The following MLLT10 variants were observed in gnomAD, a reference collection of about 807,000 sequenced individuals.
MLLT10 encodes the protein MLLT10 histone lysine methyltransferase DOT1L cofactor.
MLLT10 carries 30 observed loss-of-function variants against 129.1 expected under a neutral mutation model. The observed-to-expected ratio is 0.23, with a 90% CI of 0.17 to 0.32. The LOEUF (loss-of-function observed/expected upper bound fraction) is 0.32. Among genes scored for constraint, MLLT10 ranks in the 10% least tolerant of loss-of-function variants. The probability of loss-of-function intolerance (pLI) is 1.00; values close to 1 mark genes in which losing one functional copy is unlikely to be tolerated. For missense variants in MLLT10, 1,119 were observed against 1,268.3 expected, an observed-to-expected ratio of 0.88 and a Z score of 1.79; for synonymous variants, 490 against 446.4, an observed-to-expected ratio of 1.10 and a Z score of -1.23.
intron 13 of MLLT10, among the ~76,000 whole-genome samples, chr10:21,695,065 T>C (rs1021984763): frequency 6.1e-5 from 9 of 146,972 alleles, no homozygotes; most frequent in Non-Finnish European, 9.0e-5. Flanking sequence ...TACCTTCTTT[T>C]TTTTTTTTTT....
intron 3 of MLLT10, 24 bp downstream of exon 3, chr10:21,538,936 T>G: frequency 6.4e-7 from 1 of 1,572,728 alleles, no homozygotes; most frequent in Middle Eastern, 1.7e-4. Context: ...ATCAAAAACA[T>G]TAAACTTTAG....
intron 8 of MLLT10, chr10:21,625,596 C>A: frequency 1.3e-6 from 1 of 758,122 alleles, no homozygotes; most frequent in South Asian, 1.4e-5. Context: ...TTCTTTTTGT[C>A]ATCAGGTTGA....
At chr10:21,738,040 T>A (rs60142116) in intron 21 of MLLT10, among the ~76,000 whole-genome samples, 1,803 of 151,738 alleles carry the variant, frequency 0.012, 35 homozygotes, top group African/African-American at 0.041. Flanking sequence ...GAGACGGAGG[T>A]GGGCGGATCA....
At chr10:21,597,096 A>G (rs2043093319) in intron 5 of MLLT10, among the ~76,000 whole-genome samples, 1 of 152,142 alleles carries the variant, frequency 6.6e-6, no homozygotes, top group African/African-American at 2.4e-5. Flanking sequence ...TAAAACTTAC[A>G]AACAGGTTGC....
chr10:21,551,975 A>G, intron 3 of MLLT10: 1 of 253,080 alleles, frequency 4.0e-6, no homozygotes. Flanking sequence ...TTGTATTTTT[A>G]GAGACGGAGT....
At chr10:21,648,121 A>T (rs1298007443) in intron 8 of MLLT10, among the ~76,000 whole-genome samples, 2 of 152,138 alleles carry the variant, frequency 1.3e-5, no homozygotes, top group African/African-American at 4.8e-5. Context: ...ATCATATACT[A>T]AATTTTCATA....
chr10:21,619,063 C>T (rs971088386), intron 8 of MLLT10, among the ~76,000 whole-genome samples: 3 of 150,196 alleles, frequency 2.0e-5, no homozygotes, highest in Admixed American at 6.6e-5. Context: ...CACACACACA[C>T]ACACACTTTT....
intron 8 of MLLT10, among the ~76,000 whole-genome samples, chr10:21,649,002 A>G (rs924025574): frequency 1.3e-5 from 2 of 152,168 alleles, no homozygotes; most frequent in Admixed American, 6.5e-5. Context: ...GGGATCCACA[A>G]TTCAAGATGA....
At chr10:21,656,384 T>C (rs2049592114) in intron 9 of MLLT10, among the ~76,000 whole-genome samples, 1 of 152,218 alleles carries the variant, frequency 6.6e-6, no homozygotes, top group Admixed American at 6.5e-5. Flanking sequence ...ACACAATGTG[T>C]AGACTCCATG....
chr10:21,555,826 C>G (rs2130974087), intron 3 of MLLT10, among the ~76,000 whole-genome samples: 1 of 151,306 alleles, frequency 6.6e-6, no homozygotes, highest in South Asian at 2.1e-4. Flanking sequence ...CACCACGATG[C>G]CCAGCTAATT....
intron 8 of MLLT10, among the ~76,000 whole-genome samples, chr10:21,645,730 C>T (rs868748546): frequency 1.3e-5 from 2 of 152,196 alleles, no homozygotes; most frequent in Middle Eastern, 3.2e-3. Context: ...ACATTTCTGT[C>T]TATGGTTCAC....
rs567584782 is a variant in MLLT10, at chr10:21,696,808, G to A, written c.1699+14551G>A. Among the ~76,000 whole-genome samples, 9 of 152,056 alleles carry A rather than the reference G, an allele frequency of 5.9e-5. 1 individual carries two copies. Among genetic ancestry groups the A allele is most frequent in the Non-Finnish European group, 1.2e-4 (8 of 67,986 alleles). On this transcript the variant is annotated intron_variant, in intron 13 of 22. Coordinates refer to ENST00000307729, the MANE Select transcript of MLLT10 (RefSeq NM_001195626.3). Reference sequence around the variant, plus strand: ...ATATTTTGTCTAAAATATTACAATAGCTACTTAAGTCATCTCCCTGACTCC... The same window carrying A: ...ATATTTTGTCTAAAATATTACAATAACTACTTAAGTCATCTCCCTGACTCC...
At chr10:21,734,935 G>A (rs2058241993) in intron 20 of MLLT10, among the ~76,000 whole-genome samples, 1 of 152,166 alleles carries the variant, frequency 6.6e-6, no homozygotes, top group Non-Finnish European at 1.5e-5. Context: ...TCTTGACAAT[G>A]TGAATTCTTG....
intron 19 of MLLT10, 46 bp downstream of exon 19, chr10:21,733,638 A>C (rs1288427345): frequency 6.8e-7 from 1 of 1,460,510 alleles, no homozygotes; most frequent in African/African-American, 1.4e-5. Flanking sequence ...TTACTTGTGA[A>C]TAATAGTATA....
chr10:21,658,566 T>C (rs1297866123), intron 9 of MLLT10, among the ~76,000 whole-genome samples: 3 of 152,226 alleles, frequency 2.0e-5, no homozygotes. Flanking sequence ...ATAAATATTG[T>C]ATAAATCTTA....
chr10:21,720,108 C>T (rs2057022348), intron 14 of MLLT10, among the ~76,000 whole-genome samples: 1 of 152,178 alleles, frequency 6.6e-6, no homozygotes, highest in African/African-American at 2.4e-5. Flanking sequence ...CTATACAGTC[C>T]TGTTGTCCGA....
intron 9 of MLLT10, among the ~76,000 whole-genome samples, chr10:21,656,498 C>T (rs868111562): frequency 6.6e-6 from 1 of 152,064 alleles, no homozygotes; most frequent in East Asian, 1.9e-4. Context: ...CAGTTTTAAC[C>T]TTAGTTTACC....
At chr10:21,674,978 T>C (rs530128447) in intron 11 of MLLT10, among the ~76,000 whole-genome samples, 73 of 37,110 alleles carry the variant, frequency 2.0e-3, no homozygotes, top group African/African-American at 7.1e-3. Flanking sequence ...AACAAACAAA[T>C]AAATAAACAA....
intron 8 of MLLT10, among the ~76,000 whole-genome samples, chr10:21,635,021 A>G (rs1235979695): frequency 6.6e-6 from 1 of 152,176 alleles, no homozygotes; most frequent in Non-Finnish European, 1.5e-5. Flanking sequence ...GAGGTAGCAT[A>G]TCTACTTGGA....
Sources: allele counts gnomAD v4.1 joint callset (sites outside exome capture counted in the v4.1 genomes callset), GRCh38; gene constraint gnomAD v4.1.1; transcripts MANE v1.5; gene names NCBI Gene and HGNC (gene_info 2026-07-23, HGNC 2026-07-21).